Variants in SPOCK1 observed in about 807,000 individuals in gnomAD.
The protein encoded by SPOCK1 is SPARC (osteonectin), cwcv and kazal like domains proteoglycan 1.
In SPOCK1, 23 loss-of-function variants were observed where a neutral mutation model predicts 55.3. The observed-to-expected ratio is 0.42, with a 90% CI of 0.30 to 0.59. The LOEUF is 0.59. SPOCK1 is among the 20% of genes least tolerant of loss of function. The probability of loss-of-function intolerance (pLI) is 0.22; values close to 1 mark genes in which losing one functional copy is unlikely to be tolerated. For missense variants in SPOCK1, 499 were observed against 552.5 expected, an observed-to-expected ratio of 0.90 and a Z score of 0.97; for synonymous variants, 226 against 221.0, an observed-to-expected ratio of 1.02 and a Z score of -0.20.
chr5:137,088,218 T>G (rs1752993474), intron 5 of SPOCK1, among the ~76,000 whole-genome samples: 1 of 152,194 alleles, frequency 6.6e-6, no homozygotes, highest in African/African-American at 2.4e-5. Flanking sequence ...GGTTACAGCT[T>G]CTGTTCCTAC....
At chr5:137,023,079 C>A (rs1237727887) in intron 6 of SPOCK1, among the ~76,000 whole-genome samples, 1 of 152,214 alleles carries the variant, frequency 6.6e-6, no homozygotes, top group African/African-American at 2.4e-5. Context: ...TGGATCCTGG[C>A]TCTGCTTCTT....
intron 2 of SPOCK1, among the ~76,000 whole-genome samples, chr5:137,490,645 G>A (rs1754156215): frequency 6.6e-6 from 1 of 152,200 alleles, no homozygotes; most frequent in Admixed American, 6.5e-5. Flanking sequence ...ACCAAGTAGT[G>A]CTTAGTTGCA....
chr5:137,168,786 C>G (rs1159915815), intron 3 of SPOCK1, among the ~76,000 whole-genome samples: 1 of 152,120 alleles, frequency 6.6e-6, no homozygotes, highest in Non-Finnish European at 1.5e-5. Flanking sequence ...CTATGGATAA[C>G]AGTTTGGAGG....
At chr5:137,450,394 A>G (rs747164272) in intron 2 of SPOCK1, among the ~76,000 whole-genome samples, 4 of 152,142 alleles carry the variant, frequency 2.6e-5, no homozygotes, top group Admixed American at 6.5e-5. Flanking sequence ...AGTGCATGCA[A>G]ATCTGCTCTG....
At chr5:137,416,233 TAAAG>T (rs1752324974) in intron 2 of SPOCK1, among the ~76,000 whole-genome samples, 1 of 151,340 alleles carries the variant, frequency 6.6e-6, no homozygotes, top group Admixed American at 6.6e-5. Flanking sequence ...AAAGTTGCAA[TAAAG>T]ACTTTTTCAG....
intron 3 of SPOCK1, among the ~76,000 whole-genome samples, chr5:137,237,598 T>A (rs1756204360): frequency 6.6e-6 from 1 of 152,250 alleles, no homozygotes; most frequent in African/African-American, 2.4e-5. Flanking sequence ...CATGTGGTGT[T>A]AAACAAATAA....
At chr5:137,189,758 T>C (rs1561466424) in intron 3 of SPOCK1, among the ~76,000 whole-genome samples, 2 of 152,204 alleles carry the variant, frequency 1.3e-5, no homozygotes, top group Non-Finnish European at 2.9e-5. Flanking sequence ...TAGATATTGA[T>C]TCTCCTGATG....
chr5:137,498,429 A>T lies in SPOCK1; in HGVS notation c.130T>A (p.Trp44Arg), dbSNP rs1454013316. 2 of 1,610,636 alleles carry T rather than the reference A, an allele frequency of 1.2e-6. No homozygotes were observed. The highest frequency in any genetic ancestry group is 3.3e-5 in the Admixed American group (2 of 59,826). ...TCGTACTGGGAGACGGTGCTCAGCC[A>T]CTGGTCATTGTCTAGGAAATTGCCG... ...NHGNFLDNDQ[W>R]LSTVSQYDRD... Residue 44 changes from tryptophan to arginine, a missense_variant, in exon 2 of 11, where the codon TGG becomes AGG. This residue lies in a region of SPOCK1 where 386 missense variants were observed against 400.6 expected (regional missense o/e 0.96). Coordinates refer to ENST00000394945, the MANE Select transcript of SPOCK1 (RefSeq NM_004598.4).
intron 3 of SPOCK1, among the ~76,000 whole-genome samples, chr5:137,222,162 G>GT (rs1269295940): frequency 3.3e-5 from 5 of 152,202 alleles, no homozygotes; most frequent in Non-Finnish European, 7.3e-5. Context: ...CAGCTGCAGA[G>GT]TATCAAGGGA....
intron 2 of SPOCK1, among the ~76,000 whole-genome samples, chr5:137,382,707 G>A (rs1751499530): frequency 6.6e-6 from 1 of 152,090 alleles, no homozygotes; most frequent in African/African-American, 2.4e-5. Flanking sequence ...ACAGCATGGG[G>A]GAAATCCACC....
At chr5:137,010,192 G>A (rs776923667) in intron 6 of SPOCK1, among the ~76,000 whole-genome samples, 3 of 152,064 alleles carry the variant, frequency 2.0e-5, no homozygotes, top group Admixed American at 6.6e-5. Flanking sequence ...ATACTCGCCC[G>A]AGTTCCCTGC....
chr5:137,497,791 A>C (rs1754329689), intron 2 of SPOCK1, among the ~76,000 whole-genome samples: 1 of 152,112 alleles, frequency 6.6e-6, no homozygotes, highest in African/African-American at 2.4e-5. Flanking sequence ...TCCGAGGGTC[A>C]AACCACCCCA....
chr5:137,138,544 A>C (rs1425731219), intron 4 of SPOCK1, among the ~76,000 whole-genome samples: 1 of 147,082 alleles, frequency 6.8e-6, no homozygotes, highest in Admixed American at 6.8e-5. Flanking sequence ...ACACATGGCT[A>C]AACAACCTAG....
intron 6 of SPOCK1, among the ~76,000 whole-genome samples, chr5:137,018,594 ACCCCTT>A (rs1751497224): frequency 6.6e-6 from 1 of 151,750 alleles, no homozygotes. Context: ...GAGGCAAATC[ACCCCTT>A]CCCCCCATTA....
At chr5:137,039,357 T>C (rs1178129473) in intron 6 of SPOCK1, among the ~76,000 whole-genome samples, 3 of 143,004 alleles carry the variant, frequency 2.1e-5, no homozygotes, top group African/African-American at 5.1e-5. Context: ...AGAGGTGAAC[T>C]TGAGACGTGT....
At chr5:137,452,351 T>C (rs1202407971) in intron 2 of SPOCK1, among the ~76,000 whole-genome samples, 2 of 152,158 alleles carry the variant, frequency 1.3e-5, no homozygotes, top group Admixed American at 6.6e-5. Context: ...TAAGAAAATA[T>C]GAAAATGGAG....
chr5:137,426,620 G>T (rs113654684), intron 2 of SPOCK1, among the ~76,000 whole-genome samples: 3 of 152,268 alleles, frequency 2.0e-5, no homozygotes, highest in African/African-American at 7.2e-5. Flanking sequence ...CTTATTACAT[G>T]TGACCTGAGT....
intron 5 of SPOCK1, among the ~76,000 whole-genome samples, chr5:137,105,099 A>C (rs970105298): frequency 3.9e-5 from 6 of 152,132 alleles, no homozygotes; most frequent in African/African-American, 1.2e-4. Flanking sequence ...TTAACTTCTC[A>C]TCTCCCCTCA....
At chr5:137,096,358 C>T (rs1473220219) in intron 5 of SPOCK1, among the ~76,000 whole-genome samples, 1 of 151,844 alleles carries the variant, frequency 6.6e-6, no homozygotes, top group Non-Finnish European at 1.5e-5. Context: ...GAGTGAGGTA[C>T]TTGGGAGATG....
Sources: gnomAD v4.1 joint callset for allele counts (sites outside exome capture counted in the v4.1 genomes callset) on GRCh38, gnomAD v4.1.1 for gene constraint, gnomAD v4.1.1 regional missense constraint, MANE v1.5 for transcripts, NCBI Gene and HGNC (gene_info 2026-07-23, HGNC 2026-07-21) for gene names.